Variants in BMAL1 observed in about 807,000 individuals in gnomAD.
The protein encoded by BMAL1 is basic helix-loop-helix ARNT-like protein 1.
chr11:13,372,512 GAAGA>G, the BMAL1 span: 29 of 1,520,106 alleles, frequency 1.9e-5, no homozygotes, highest in African/African-American at 6.9e-5. Flanking sequence ...TTCTAAGAAT[GAAGA>G]AAGAAAGAAA....
At chr11:13,298,234 C>A in the BMAL1 span, among the ~76,000 whole-genome samples, 4 of 152,326 alleles carry the variant, frequency 2.6e-5, no homozygotes, top group African/African-American at 9.6e-5. Context: ...TAGCTCCACT[C>A]CAGCCACAGT....
the BMAL1 span, among the ~76,000 whole-genome samples, chr11:13,278,221 G>T: frequency 6.6e-6 from 1 of 152,226 alleles, no homozygotes; most frequent in Non-Finnish European, 1.5e-5. Flanking sequence ...GCCCTTAAAG[G>T]GGCCGGGAAA....
the BMAL1 span, among the ~76,000 whole-genome samples, chr11:13,331,814 T>C: frequency 6.6e-6 from 1 of 151,966 alleles, no homozygotes; most frequent in South Asian, 2.1e-4. Flanking sequence ...CTTTGGGGAG[T>C]TACTTCTCTT....
chr11:13,307,208 T>C, the BMAL1 span, among the ~76,000 whole-genome samples: 6 of 152,322 alleles, frequency 3.9e-5, no homozygotes, highest in East Asian at 1.9e-4. Context: ...TTTTGAAGAA[T>C]ATGTAGTCTG....
chr11:13,382,268 T>G, the BMAL1 span, among the ~76,000 whole-genome samples: 1 of 139,360 alleles, frequency 7.2e-6, no homozygotes, highest in African/African-American at 2.6e-5. Flanking sequence ...GGTTGAAAGT[T>G]AACAAATTAA....
chr11:13,302,696 A>G, the BMAL1 span, among the ~76,000 whole-genome samples: 13 of 152,156 alleles, frequency 8.5e-5, no homozygotes, highest in Admixed American at 6.5e-4. Flanking sequence ...AAAAGGCACA[A>G]AGTGATCTCT....
chr11:13,283,037 T>C, the BMAL1 span, among the ~76,000 whole-genome samples: 2 of 152,188 alleles, frequency 1.3e-5, no homozygotes, highest in Non-Finnish European at 2.9e-5. Context: ...CAGGGGGAGA[T>C]AAGATTGGAT....
chr11:13,343,527 A>G, the BMAL1 span, among the ~76,000 whole-genome samples: 1 of 152,142 alleles, frequency 6.6e-6, no homozygotes, highest in East Asian at 1.9e-4. Flanking sequence ...GCCACTTTCC[A>G]CAGCCATCTC....
chr11:13,366,713 A>G, the BMAL1 span: 4 of 1,614,140 alleles, frequency 2.5e-6, no homozygotes, highest in Non-Finnish European at 3.4e-6. Flanking sequence ...TCCTAAAGAT[A>G]TTGCCAAAGT....
At chr11:13,367,416 TCTGG>T in the BMAL1 span, among the ~76,000 whole-genome samples, 1 of 152,108 alleles carries the variant, frequency 6.6e-6, no homozygotes, top group Admixed American at 6.6e-5. Flanking sequence ...GAATGAGGAC[TCTGG>T]CTGGGCGCAG....
the BMAL1 span, among the ~76,000 whole-genome samples, chr11:13,331,745 C>T: frequency 2.6e-5 from 4 of 152,274 alleles, no homozygotes; most frequent in Admixed American, 2.6e-4. Context: ...GTGTGGTGAA[C>T]CTCTATCTCT....
the BMAL1 span, among the ~76,000 whole-genome samples, chr11:13,318,544 GTTT>G: frequency 0.037 from 1,841 of 49,420 alleles, 54 homozygotes; most frequent in African/African-American, 0.11. Context: ...AAGACACTTA[GTTT>G]TTTTTTTTTT....
chr11:13,284,678 A>G, the BMAL1 span, among the ~76,000 whole-genome samples: 1 of 151,876 alleles, frequency 6.6e-6, no homozygotes, highest in East Asian at 1.9e-4. Context: ...TCTCACACCT[A>G]AGCAGAGGGA....
the BMAL1 span, among the ~76,000 whole-genome samples, chr11:13,284,505 G>A: frequency 2.0e-5 from 3 of 151,366 alleles, no homozygotes; most frequent in Non-Finnish European, 4.4e-5. Flanking sequence ...TGCCCTCAGA[G>A]CTCTCGTCCT....
the BMAL1 span, chr11:13,358,619 A>C: frequency 2.0e-6 from 3 of 1,537,798 alleles, no homozygotes; most frequent in Non-Finnish European, 2.6e-6. Flanking sequence ...ATTGTCCTTT[A>C]TGTCCTTGCC....
At chr11:13,318,186 ATAAC>A in the BMAL1 span, among the ~76,000 whole-genome samples, 1 of 152,222 alleles carries the variant, frequency 6.6e-6, no homozygotes, top group Non-Finnish European at 1.5e-5. Context: ...TCTGCTTAAT[ATAAC>A]TAATACCCCT....
At chr11:13,376,329 G>A in the BMAL1 span, among the ~76,000 whole-genome samples, 1 of 152,228 alleles carries the variant, frequency 6.6e-6, no homozygotes, top group African/African-American at 2.4e-5. Context: ...TGTGTGAGGG[G>A]CCGGGGCTAG....
At chr11:13,314,501 T>G in the BMAL1 span, among the ~76,000 whole-genome samples, 1 of 152,240 alleles carries the variant, frequency 6.6e-6, no homozygotes, top group Non-Finnish European at 1.5e-5. Context: ...TGACGCCTGT[T>G]GTGTCTCCCA....
chr11:13,345,535 TTA>T, the BMAL1 span, among the ~76,000 whole-genome samples: 1 of 152,204 alleles, frequency 6.6e-6, no homozygotes, highest in Non-Finnish European at 1.5e-5. Flanking sequence ...TGCTTGCTTT[TTA>T]TGTTTTGTTT....
Sources: allele counts gnomAD v4.1 joint callset (sites outside exome capture counted in the v4.1 genomes callset), GRCh38; gene constraint gnomAD v4.1.1; transcripts MANE v1.5; gene names NCBI Gene and HGNC (gene_info 2026-07-23, HGNC 2026-07-21).